ZNF79: variants seen among roughly 807,000 people sequenced by gnomAD.
ZNF79 encodes ZNFpT7.
Under a neutral mutation model 14.9 loss-of-function variants are expected in ZNF79, and 13 were observed. That is an observed-to-expected ratio of 0.87 (90% confidence interval 0.57 to 1.38). ZNF79 has a LOEUF of 1.38. ZNF79 is among the 40% of genes most tolerant of loss of function. The pLI, the probability that ZNF79 is intolerant of heterozygous loss-of-function variation, is 0.00. For synonymous variants in ZNF79, 223 were observed against 235.1 expected, an observed-to-expected ratio of 0.95 and a Z score of 0.47; for missense variants, 631 against 630.6, an observed-to-expected ratio of 1.00 and a Z score of -0.01.
intron 2 of ZNF79, among the ~76,000 whole-genome samples, chr9:127,429,957 C>T (rs1480857270): frequency 2.0e-5 from 3 of 151,920 alleles, no homozygotes; most frequent in African/African-American, 4.8e-5. Context: ...GCTGGAATTA[C>T]AGGTGCGCCC....
At chr9:127,435,481 C>T (rs987478639) in intron 3 of ZNF79, among the ~76,000 whole-genome samples, 1 of 152,196 alleles carries the variant, frequency 6.6e-6, no homozygotes, top group Admixed American at 6.5e-5. Flanking sequence ...ATGTTCAGTA[C>T]GTTTCCATCT....
At position 127,425,023 on chromosome 9, in the gene ZNF79, AG is replaced by A. The variant is rs1047002770; in HGVS notation, c.16+221del. 4 of 1,274,360 alleles carry A rather than the reference AG, an allele frequency of 3.1e-6. No individual in the cohort carries two copies. In the African/African-American group the frequency reaches 6.0e-5, roughly 19 times the overall value. 78.9% of individuals were successfully genotyped at this position (1,274,360 alleles called of 1,614,324 possible). ...GAGTAAAGAATTCGGGGGTCAAAAA[AG>A]TTTGAGGACCTCAGACTGCGTGATT... On this transcript the variant is annotated intron_variant, in intron 1 of 4. Coordinates refer to ENST00000342483, the MANE Select transcript of ZNF79 (RefSeq NM_007135.3).
chr9:127,435,752 A>G (rs1269189153), intron 3 of ZNF79, among the ~76,000 whole-genome samples, 156 bp from the exon 4 acceptor site: 2 of 152,242 alleles, frequency 1.3e-5, no homozygotes, highest in South Asian at 2.1e-4. Flanking sequence ...ATGTACTGCT[A>G]TAGCCCCTGG....
In ZNF79 at chr9:127,444,822, A is replaced by G; in HGVS notation, c.1122A>G (p.Ala374=). The G allele has an allele frequency of 3.1e-6, 5 of 1,608,828 alleles. No homozygotes were observed. Among genetic ancestry groups the G allele is most frequent in the Non-Finnish European group, 4.3e-6 (5 of 1,175,852 alleles). ...AACGKAFSQS[A]NLTNHQRTHT... is the part of the protein sequence containing the mutation. ...GTGGGAAGGCCTTCAGCCAGAGTGC[A>G]AACCTCACAAACCATCAGAGGACTC... Residue 374 remains alanine (A), a synonymous_variant, in exon 5 of 5, where the codon GCA becomes GCG. Transcript: ENST00000342483.
chr9:127,427,292 G>A (rs1416261866), intron 1 of ZNF79, among the ~76,000 whole-genome samples: 1 of 151,060 alleles, frequency 6.6e-6, no homozygotes, highest in Non-Finnish European at 1.5e-5. Context: ...GCGTGGTGGT[G>A]CGTGCCTGTA....
At chr9:127,435,291 G>C in intron 3 of ZNF79, 75 bp downstream of exon 3, 1 of 1,485,422 alleles carries the variant, frequency 6.7e-7, no homozygotes, top group Non-Finnish European at 9.0e-7. Context: ...CCAGCATGTA[G>C]GGGTTTCTGA....
rs983462069 is a variant in ZNF79 at position 127,424,438 on chromosome 9, A to G, written c.-350A>G. 1 of 274,392 alleles carries G rather than the reference A, an allele frequency of 3.6e-6. No homozygotes were observed. The highest frequency in any genetic ancestry group is 7.2e-6 in the Non-Finnish European group (1 of 139,152). 17.0% of individuals were successfully genotyped at this position (274,392 alleles called of 1,614,324 possible). A position where few individuals can be genotyped will look rare whatever the true frequency, so the allele number is the denominator to read the frequency against. On this transcript the variant is annotated 5_prime_UTR_variant, in exon 1 of 5. Transcript: ENST00000342483. ...GGACCTGGCGTTGGGCGGTACTTGG[A>G]CAGCGGTTCTTGAGCTCTCGCGGTT... is the stretch of plus-strand genomic sequence containing the variant.
chr9:127,424,401 G>A lies in ZNF79; in HGVS notation c.-387G>A. 1 of 203,006 alleles carries A rather than the reference G, an allele frequency of 4.9e-6. No individual in the cohort carries two copies. The highest frequency in any genetic ancestry group is 1.2e-4 in the East Asian group (1 of 8,484). 12.6% of individuals were successfully genotyped at this position (203,006 alleles called of 1,614,324 possible). A position where few individuals can be genotyped will look rare whatever the true frequency, so the allele number is the denominator to read the frequency against. On this transcript the variant is annotated 5_prime_UTR_variant, in exon 1 of 5. Transcript: ENST00000342483. ...GGCGCCAATCAGGCGCGTCCCTCTG[G>A]CGCTGGAGCCAGGACCTGGCGTTGG...
Position 127,444,771 on chromosome 9 carries a change from GGA to G in ZNF79, c.1074_1075del (p.Lys359AlafsTer59). 1 of 1,601,894 alleles carries G rather than the reference GGA, an allele frequency of 6.2e-7. No homozygotes were observed. The highest frequency in any genetic ancestry group is 8.5e-7 in the Non-Finnish European group (1 of 1,173,524). On this transcript the variant is annotated frameshift_variant, in exon 5 of 5. Coordinates refer to ENST00000342483, the MANE Select transcript of ZNF79 (RefSeq NM_007135.3). LOFTEE classifies it low-confidence loss of function (END_TRUNC). Reference sequence around the variant, plus strand: ...TTCAGCACCAGAGGATTCACACCGGGGAGAAGCCCTACAGATGTGCCGCGTGT... The same window carrying G: ...TTCAGCACCAGAGGATTCACACCGGGGAAGCCCTACAGATGTGCCGCGTGT... Reference protein sequence around the residue: ...FIQHQRIHTGEKPYRCAACGK... With the variant: ...FIQHQRIHTGXKPYRCAACGK...
At chr9:127,436,208 G>T (rs2131953984) in intron 4 of ZNF79, among the ~76,000 whole-genome samples, 1 of 152,346 alleles carries the variant, frequency 6.6e-6, no homozygotes, top group East Asian at 1.9e-4. Context: ...TTTGAAGCAA[G>T]CTCTGTCTGC....
chr9:127,434,091 C>T (rs1833905086), intron 2 of ZNF79, among the ~76,000 whole-genome samples: 1 of 152,182 alleles, frequency 6.6e-6, no homozygotes, highest in Non-Finnish European at 1.5e-5. Flanking sequence ...TCCCCCCACC[C>T]AAACTGCCTG....
Position 127,435,811 on chromosome 9 carries a change from T to C in ZNF79, c.233-97T>C, listed in dbSNP as rs1019026175. On this transcript the variant is annotated intron_variant, in intron 3 of 4. Coordinates refer to ENST00000342483, the MANE Select transcript of ZNF79 (RefSeq NM_007135.3). ...ATAAGGATTTGTTGGCTGAATGAAATGAACAGTCCAACTGGCCTACTTGCT... is the reference window on the plus strand; with the variant it reads ...ATAAGGATTTGTTGGCTGAATGAAACGAACAGTCCAACTGGCCTACTTGCT... 1.1e-5 allele frequency: 10 copies of C among 927,642 alleles called. No individual in the cohort carries two copies. In the African/African-American group the frequency reaches 1.5e-4, roughly 14 times the overall value. 57.5% of individuals were successfully genotyped at this position (927,642 alleles called of 1,614,324 possible). A position where few individuals can be genotyped will look rare whatever the true frequency, so the allele number is the denominator to read the frequency against.
At chr9:127,433,303 G>A (rs549876242) in intron 2 of ZNF79, among the ~76,000 whole-genome samples, 21 of 152,234 alleles carry the variant, frequency 1.4e-4, no homozygotes, top group African/African-American at 4.6e-4. Context: ...TTGATGCTGC[G>A]GGAAAGGAGA....
chr9:127,436,037 T>G (rs1252374000), intron 4 of ZNF79, 34 bp downstream of exon 4: 8 of 1,597,288 alleles, frequency 5.0e-6, no homozygotes, highest in South Asian at 2.2e-5. Flanking sequence ...GTGGGAGTCT[T>G]GGGAGCAAAA....
intron 4 of ZNF79, among the ~76,000 whole-genome samples, chr9:127,442,409 A>G (rs1016958583): frequency 3.9e-5 from 6 of 151,980 alleles, no homozygotes; most frequent in African/African-American, 1.4e-4. Flanking sequence ...CTCAAAAAAA[A>G]AAAAAAGAAA....
In ZNF79 at chr9:127,435,190, G is replaced by GA. The variant is rs1833925919; in HGVS notation, c.209dup (p.Ser71ValfsTer55). ...GACAGGTTCAAGGAGGGGATACCAGGAAAGTCCAGGAGCCTTGTCCTACTA... is the reference window on the plus strand; with the variant it reads ...GACAGGTTCAAGGAGGGGATACCAGGAAAAGTCCAGGAGCCTTGTCCTACTA... On this transcript the variant is annotated frameshift_variant, in exon 3 of 5. Transcript: ENST00000342483. LOFTEE classifies it high-confidence loss of function. 5.6e-6 allele frequency: 9 copies of GA among 1,610,892 alleles called. No homozygotes were observed. The highest frequency in any genetic ancestry group is 7.6e-6 in the Non-Finnish European group (9 of 1,178,704).
chr9:127,424,851 C>G, intron 1 of ZNF79, 48 bp downstream of exon 1: 2 of 1,611,884 alleles, frequency 1.2e-6, no homozygotes, highest in Non-Finnish European at 1.7e-6. Flanking sequence ...GCTGCTGCTT[C>G]GTTTGCCCAC....
rs1564234451 is a variant in ZNF79, at chr9:127,435,967, AT to A, written c.293del (p.Met98SerfsTer36). 6.2e-7 allele frequency: 1 copy of A among 1,614,252 alleles called. No individual in the cohort carries two copies. Among genetic ancestry groups the A allele is most frequent in the Non-Finnish European group, 8.5e-7 (1 of 1,180,034 alleles). On this transcript the variant is annotated frameshift_variant, in exon 4 of 5. Transcript: ENST00000342483. LOFTEE classifies it low-confidence loss of function (END_TRUNC). ...SQLEQREGAWMLEGEDLRSPS... is the reference protein window; with the variant it reads ...SQLEQREGAWXLEGEDLRSPS... Reference sequence around the variant, plus strand: ...GTTGGAACAAAGGGAAGGCGCATGGATGCTGGAGGGCGAAGACCTGCGAAGT... The same window carrying A: ...GTTGGAACAAAGGGAAGGCGCATGGAGCTGGAGGGCGAAGACCTGCGAAGT...
At chr9:127,428,960 C>T in intron 2 of ZNF79, 40 bp downstream of exon 2, 1 of 1,342,354 alleles carries the variant, frequency 7.4e-7, no homozygotes, top group Non-Finnish European at 1.0e-6. Flanking sequence ...CCTTTTCTTC[C>T]CCCCTAATAC....
Sources: gnomAD v4.1 joint callset for allele counts (sites outside exome capture counted in the v4.1 genomes callset) on GRCh38, gnomAD v4.1.1 for gene constraint, MANE v1.5 for transcripts, NCBI Gene and HGNC (gene_info 2026-07-23, HGNC 2026-07-21) for gene names.